Variants in FHIP1B observed in about 807,000 individuals in gnomAD.
FHIP1B encodes the protein FHF complex subunit HOOK-interacting protein 1B.
A neutral mutation model predicts 82.2 loss-of-function variants in FHIP1B; 28 were observed. That is an observed-to-expected ratio of 0.34 (90% confidence interval 0.25 to 0.47). The LOEUF (loss-of-function observed/expected upper bound fraction) is 0.47. FHIP1B is among the 20% of genes least tolerant of loss of function. FHIP1B has a pLI of 1.00. For synonymous variants in FHIP1B, 585 were observed against 516.1 expected (o/e 1.13, Z -1.81); for missense variants, 1,110 against 1,262.6 (o/e 0.88, Z 1.83).
At chr11:6,220,508 C>T (rs529959349) in intron 6 of FHIP1B, among the ~76,000 whole-genome samples, 13 of 152,242 alleles carry the variant, frequency 8.5e-5, no homozygotes, top group Admixed American at 7.2e-4. Context: ...GGCTGGTTAG[C>T]CAAAATTAGT....
In FHIP1B at chr11:6,217,641, C is replaced by A. The variant is rs757453187; in HGVS notation, c.1945G>T (p.Val649Phe). Residue 649 changes from valine to phenylalanine, a missense_variant, in exon 9 of 12, where the codon GTT becomes TTT. Physicochemically the swap from Val to Phe is conservative, Grantham distance 50. Transcript: ENST00000449352. ...GCTCCCTCCTTTGGCACCAGACGAA[C>A]CTTCTTGGCCCCCTCAGGCCATGAT... ...PGSWPEGAKK[V>F]RLVPKEGAGE... The A allele has an allele frequency of 1.3e-5, 21 of 1,613,890 alleles. No homozygotes were observed. Among genetic ancestry groups the A allele is most frequent in the Non-Finnish European group, 1.0e-5 (12 of 1,180,006 alleles).
intron 11 of FHIP1B, among the ~76,000 whole-genome samples, chr11:6,213,898 G>C (rs1847144848): frequency 6.6e-6 from 1 of 151,888 alleles, no homozygotes; most frequent in African/African-American, 2.4e-5. Flanking sequence ...AACTTCCAGT[G>C]GTTTTTCACT....
At chr11:6,216,180 G>C (rs976752859) in intron 9 of FHIP1B, among the ~76,000 whole-genome samples, 1 of 152,246 alleles carries the variant, frequency 6.6e-6, no homozygotes, top group African/African-American at 2.4e-5. Flanking sequence ...TAAATGGAAA[G>C]ATAGATTTTC....
chr11:6,219,879 C>T lies in FHIP1B; in HGVS notation c.1192-829G>A, dbSNP rs531654762. Among the ~76,000 whole-genome samples, 6 of 152,170 alleles carry T rather than the reference C, an allele frequency of 3.9e-5. No homozygotes were observed. In the East Asian group the frequency reaches 5.8e-4, roughly 15 times the overall value. On this transcript the variant is annotated intron_variant, in intron 6 of 11. Coordinates refer to ENST00000449352, the MANE Select transcript of FHIP1B (RefSeq NM_001098794.2). ...GCATTCATTATTTGCTACATGACCA[C>T]GGGAGAATTAAAAGTCAACCACACA...
chr11:6,215,086 A>C, intron 9 of FHIP1B, 175 bp from the exon 10 acceptor site: 1 of 529,172 alleles, frequency 1.9e-6, no homozygotes, highest in African/African-American at 2.0e-5. Flanking sequence ...GATGGCAGAC[A>C]CCATATGGAC....
chr11:6,218,613 G>A lies in FHIP1B; in HGVS notation c.1422C>T (p.Ala474=). The change falls in exon 8 of 12, where the codon GCC becomes GCT. Residue 474 remains alanine (A), a synonymous_variant. Transcript: ENST00000449352. ...TGCTAGGCCCACCTCGTGCCCATGA[G>A]GCATGCTCTGGACGAGGTGGGCTGG... ...HAPSPPRPEH[A]SWARGPGSPS... 6.2e-7 allele frequency: 1 copy of A among 1,614,124 alleles called. No homozygotes were observed. The highest frequency in any genetic ancestry group is 8.5e-7 in the Non-Finnish European group (1 of 1,180,016).
In FHIP1B at chr11:6,223,496, C is replaced by T; in HGVS notation, c.777+114G>A. On this transcript the variant is annotated intron_variant, in intron 3 of 11. Transcript: ENST00000449352. The surrounding 1 kb of genome is among the most constrained non-coding windows in gnomAD (Gnocchi z 4.8). ...AGGGGGCTGCTTTCAAATCCAGGAA[C>T]TGTTTCCTAGGGGAACGGGCCCTGG... 9.5e-6 allele frequency: 13 copies of T among 1,365,974 alleles called. No individual in the cohort carries two copies. The highest frequency in any genetic ancestry group is 6.0e-6 in the Non-Finnish European group (6 of 1,000,492). The allele number at this position is 1,365,974 out of a possible 1,614,324, so 84.6% of individuals were successfully genotyped here.
In FHIP1B at chr11:6,226,383, G is replaced by C. The variant is rs145820320; in HGVS notation, c.-191-1676C>G. 6.2e-3 allele frequency among the ~76,000 whole-genome samples: 943 copies of C among 152,280 alleles called. 9 individuals are homozygous for C. The highest frequency in any genetic ancestry group is 0.022 in the African/African-American group (909 of 41,548). Reference sequence around the variant, plus strand: ...CTAAGTAAGCACTGGAAATAACAAAGATGGATAAAAACAGTTGAGGTAGCA... The same window carrying C: ...CTAAGTAAGCACTGGAAATAACAAACATGGATAAAAACAGTTGAGGTAGCA... On this transcript the variant is annotated intron_variant, in intron 1 of 11. Transcript: ENST00000449352.
intron 10 of FHIP1B, 77 bp from the exon 11 acceptor site, chr11:6,214,650 C>T: frequency 6.5e-7 from 1 of 1,550,146 alleles, no homozygotes; most frequent in Non-Finnish European, 8.7e-7. Context: ...TGGGCCTGTT[C>T]CCAGCCCACC....
At chr11:6,219,089 G>C in intron 6 of FHIP1B, 39 bp from the exon 7 acceptor site, 1 of 1,515,676 alleles carries the variant, frequency 6.6e-7, no homozygotes, top group Non-Finnish European at 9.1e-7. Context: ...CACCATAAGA[G>C]CTCTCTGCCC....
chr11:6,213,755 G>A (rs183123263), intron 11 of FHIP1B, among the ~76,000 whole-genome samples: 11 of 151,856 alleles, frequency 7.2e-5, no homozygotes, highest in East Asian at 3.9e-4. Flanking sequence ...TCCCTTCCAC[G>A]TCCACTATTC....
At chr11:6,217,298 A>G (rs775453306) in intron 9 of FHIP1B, 73 bp downstream of exon 9, 75 of 1,443,306 alleles carry the variant, frequency 5.2e-5, no homozygotes, top group Middle Eastern at 3.4e-4. Context: ...CAAGAGGTCC[A>G]AGAAACCAGC....
chr11:6,214,947 G>C, intron 9 of FHIP1B, 36 bp from the exon 10 acceptor site: 1 of 1,511,996 alleles, frequency 6.6e-7, no homozygotes, highest in Non-Finnish European at 8.9e-7. Context: ...AGGATACAAA[G>C]CCTGAACACA....
chr11:6,214,283 T>C (rs1161277000), intron 11 of FHIP1B, 128 bp downstream of exon 11: 10 of 1,138,880 alleles, frequency 8.8e-6, no homozygotes, highest in Non-Finnish European at 1.2e-5. Flanking sequence ...AGAACAAACA[T>C]GAAGACTCAA....
At chr11:6,220,970 T>G (rs190012672) in intron 6 of FHIP1B, among the ~76,000 whole-genome samples, 18 of 152,336 alleles carry the variant, frequency 1.2e-4, no homozygotes, top group Non-Finnish European at 2.4e-4. Flanking sequence ...CAATAAATCT[T>G]AACCCAAGGC....
intron 1 of FHIP1B, among the ~76,000 whole-genome samples, chr11:6,232,344 T>C (rs1055604404): frequency 3.9e-5 from 6 of 152,244 alleles, no homozygotes; most frequent in Non-Finnish European, 7.3e-5. Flanking sequence ...ATCCAGGTAT[T>C]ATATATACCT....
intron 1 of FHIP1B, among the ~76,000 whole-genome samples, chr11:6,227,557 T>A (rs1175155481): frequency 6.6e-6 from 1 of 152,180 alleles, no homozygotes; most frequent in Non-Finnish European, 1.5e-5. Context: ...TTTGAACATG[T>A]TAAGTTTTGA....
intron 2 of FHIP1B, 40 bp downstream of exon 2, chr11:6,224,339 G>A (rs1258197824): frequency 1.2e-6 from 2 of 1,614,242 alleles, no homozygotes; most frequent in South Asian, 1.1e-5. Context: ...GAGAACTCAG[G>A]TGATCAGCAG....
At position 6,211,394 on chromosome 11, in the gene FHIP1B, C is replaced by G; in HGVS notation, c.*112G>C. On this transcript the variant is annotated 3_prime_UTR_variant, in exon 12 of 12. Transcript: ENST00000449352. ...TGCAACAAGTTCTCCATAAAACATT[C>G]ATCTGAAATAAATTAAAAAGTCCTT... 1 of 1,300,286 alleles carries G rather than the reference C, an allele frequency of 7.7e-7. No homozygotes were observed. Among genetic ancestry groups the G allele is most frequent in the Non-Finnish European group, 1.0e-6 (1 of 953,688 alleles). The allele number at this position is 1,300,286 out of a possible 1,614,324, so 80.5% of individuals were successfully genotyped here.
Sources: gnomAD v4.1 joint callset for allele counts (sites outside exome capture counted in the v4.1 genomes callset) on GRCh38, gnomAD v4.1.1 for gene constraint, Gnocchi (gnomAD v3.1) non-coding constraint, MANE v1.5 for transcripts, NCBI Gene and HGNC (gene_info 2026-07-23, HGNC 2026-07-21) for gene names.